Variants in PAX3 observed in about 807,000 individuals in gnomAD.
PAX3 encodes paired box 3, also known as paired box protein Pax-3.
A neutral mutation model predicts 51.6 loss-of-function variants in PAX3; 14 were observed. The observed-to-expected ratio is 0.27, with a 90% CI of 0.18 to 0.42. The LOEUF (loss-of-function observed/expected upper bound fraction) is 0.42. Ranked by LOEUF, PAX3 falls within the 10% of genes least tolerant of loss-of-function variation. The pLI, the probability that PAX3 is intolerant of heterozygous loss-of-function variation, is 1.00. For missense variants in PAX3, 540 were observed against 642.8 expected (o/e 0.84, Z 1.73); for synonymous variants, 280 against 253.4 (o/e 1.11, Z -1.00).
At chr2:222,223,970 A>G (rs1294713551) in intron 5 of PAX3, among the ~76,000 whole-genome samples, 3 of 152,098 alleles carry the variant, frequency 2.0e-5, no homozygotes, top group African/African-American at 7.2e-5. Flanking sequence ...GTTCATTCTA[A>G]CTCCACCATA....
intron 4 of PAX3, among the ~76,000 whole-genome samples, chr2:222,251,596 A>C (rs959546280): frequency 2.6e-5 from 4 of 152,166 alleles, no homozygotes; most frequent in African/African-American, 9.7e-5. Flanking sequence ...TTATAGCAGC[A>C]TGTTTTATAA....
At chr2:222,256,486 C>T (rs908509394) in intron 4 of PAX3, among the ~76,000 whole-genome samples, 3 of 152,008 alleles carry the variant, frequency 2.0e-5, no homozygotes, top group African/African-American at 7.3e-5. Flanking sequence ...TCTCCACTCC[C>T]ACTGAGACAA....
Position 222,220,212 on chromosome 2 carries a change from T to C in PAX3, c.1101A>G (p.Thr367=), listed in dbSNP as rs764880742. 2 of 1,613,944 alleles carry C rather than the reference T, an allele frequency of 1.2e-6. No individual in the cohort carries two copies. The highest frequency in any genetic ancestry group is 1.7e-6 in the Non-Finnish European group (2 of 1,179,968). ...GCCCCGACGGAGGCACAAAGCTGTC[T>C]GTATAGCTGGAAAATCCATGCCTGG... ...PSTRHGFSSY[T]DSFVPPSGPS... Residue 367 remains threonine, a synonymous_variant, in exon 7 of 9, where the codon ACA becomes ACG. Transcript: ENST00000392070.
At chr2:222,255,926 T>TTTA (rs1693623512) in intron 4 of PAX3, among the ~76,000 whole-genome samples, 1 of 143,268 alleles carries the variant, frequency 7.0e-6, no homozygotes, top group Admixed American at 7.0e-5. Flanking sequence ...AATTTTTTTT[T>TTTA]TTTTTTTTTT....
At chr2:222,228,837 G>A (rs1692477565) in intron 5 of PAX3, among the ~76,000 whole-genome samples, 1 of 152,176 alleles carries the variant, frequency 6.6e-6, no homozygotes, top group African/African-American at 2.4e-5. Context: ...TACTCTGGAA[G>A]CTGAGGTGGA....
At chr2:222,228,717 T>C (rs535194441) in intron 5 of PAX3, among the ~76,000 whole-genome samples, 80 of 152,188 alleles carry the variant, frequency 5.3e-4, no homozygotes, top group African/African-American at 1.9e-3. Context: ...GGAGGATCAC[T>C]TGAGTCCAGG....
At position 222,212,253 on chromosome 2, in the gene PAX3, T is replaced by C. The variant is rs1317388196; in HGVS notation, c.1173+7887A>G. On this transcript the variant is annotated intron_variant, in intron 7 of 8. Transcript: ENST00000392070. ...GTTTAACTAGATTTTTTTAACGCAATCTGCCCAGAATGAGACATCAGTATT... is the reference window on the plus strand; with the variant it reads ...GTTTAACTAGATTTTTTTAACGCAACCTGCCCAGAATGAGACATCAGTATT... Among the ~76,000 whole-genome samples the C allele has an allele frequency of 5.9e-5, 9 of 152,268 alleles. No individual in the cohort carries two copies. The South Asian group carries it at 6.2e-4, about 11-fold the overall frequency.
In PAX3 at chr2:222,201,078, G is replaced by T; in HGVS notation, c.*330C>A. 1 of 1,338,564 alleles carries T rather than the reference G, an allele frequency of 7.5e-7. No individual in the cohort carries two copies. The highest frequency in any genetic ancestry group is 1.1e-6 in the Non-Finnish European group (1 of 944,092). 82.9% of individuals were successfully genotyped at this position (1,338,564 alleles called of 1,614,324 possible). A position where few individuals can be genotyped will look rare whatever the true frequency, so the allele number is the denominator to read the frequency against. On this transcript the variant is annotated 3_prime_UTR_variant, in exon 9 of 9. Transcript: ENST00000392070. Reference sequence around the variant, plus strand: ...ACGCACGCACGCACACAAGCAAATGGAATGTTCTAGCTCCTCGATGATCAG... The same window carrying T: ...ACGCACGCACGCACACAAGCAAATGTAATGTTCTAGCTCCTCGATGATCAG...
intron 5 of PAX3, among the ~76,000 whole-genome samples, chr2:222,225,700 C>T (rs1302277074): frequency 6.6e-6 from 1 of 152,174 alleles, no homozygotes; most frequent in Non-Finnish European, 1.5e-5. Flanking sequence ...AAAACTACTT[C>T]ACAAGATTGT....
chr2:222,296,734 G>C (rs1166759687), intron 2 of PAX3, among the ~76,000 whole-genome samples: 2 of 152,192 alleles, frequency 1.3e-5, no homozygotes, highest in African/African-American at 4.8e-5. Flanking sequence ...AGGCTTATGG[G>C]CTTTAAAAAA....
chr2:222,226,042 A>G (rs971599704), intron 5 of PAX3, among the ~76,000 whole-genome samples: 2 of 152,206 alleles, frequency 1.3e-5, no homozygotes, highest in African/African-American at 4.8e-5. Context: ...TTGCCCATCA[A>G]TAAATTACTG....
At chr2:222,220,551 T>A (rs1349282813) in intron 6 of PAX3, among the ~76,000 whole-genome samples, 197 bp from the exon 7 acceptor site, 1 of 152,164 alleles carries the variant, frequency 6.6e-6, no homozygotes, top group East Asian at 1.9e-4. Flanking sequence ...CTGCACATAC[T>A]TGTAAGTAAC....
chr2:222,270,046 T>C (rs1312013097), intron 4 of PAX3, among the ~76,000 whole-genome samples: 1 of 152,218 alleles, frequency 6.6e-6, no homozygotes, highest in Middle Eastern at 3.2e-3. Context: ...CTGTCTGCAT[T>C]GTCCCCTTGC....
intron 4 of PAX3, among the ~76,000 whole-genome samples, chr2:222,291,969 G>GTTGTGTGT (rs1376811395): frequency 7.5e-6 from 1 of 133,642 alleles, no homozygotes; most frequent in East Asian, 2.3e-4. Context: ...CAGCCTCCAA[G>GTTGTGTGT]GTGTGTGTGT....
chr2:222,276,073 A>G (rs1426817128), intron 4 of PAX3, among the ~76,000 whole-genome samples: 5 of 152,178 alleles, frequency 3.3e-5, no homozygotes, highest in African/African-American at 1.2e-4. Context: ...GTAGCCAGAA[A>G]TCCTGTGTGT....
intron 7 of PAX3, 96 bp from the exon 8 acceptor site, chr2:222,202,286 T>G (rs1691327749): frequency 9.9e-7 from 1 of 1,005,084 alleles, no homozygotes; most frequent in African/African-American, 1.6e-5. Context: ...CAGTTTTTAT[T>G]TCTTTGGAAA....
chr2:222,257,795 G>A (rs909513012), intron 4 of PAX3, among the ~76,000 whole-genome samples: 1 of 152,242 alleles, frequency 6.6e-6, no homozygotes, highest in African/African-American at 2.4e-5. Context: ...GCATGGCTGG[G>A]CAGGAAATGG....
At chr2:222,213,466 G>T (rs1215997788) in intron 7 of PAX3, among the ~76,000 whole-genome samples, 5 of 152,112 alleles carry the variant, frequency 3.3e-5, no homozygotes, top group Non-Finnish European at 5.9e-5. Flanking sequence ...GCTGAAATGG[G>T]CTCGTTTATG....
At chr2:222,231,891 C>T (rs555410454) in intron 5 of PAX3, among the ~76,000 whole-genome samples, 187 bp downstream of exon 5, 7 of 152,322 alleles carry the variant, frequency 4.6e-5, no homozygotes, top group African/African-American at 1.7e-4. Flanking sequence ...TGGTGGACTT[C>T]TGTGTGTCGT....
Sources: gnomAD v4.1 joint callset for allele counts (sites outside exome capture counted in the v4.1 genomes callset) on GRCh38, gnomAD v4.1.1 for gene constraint, MANE v1.5 for transcripts, NCBI Gene and HGNC (gene_info 2026-07-23, HGNC 2026-07-21) for gene names.